Variants in PKP4 observed in about 807,000 individuals in gnomAD.
PKP4 encodes the protein plakophilin 4.
In PKP4, 90 loss-of-function variants were observed where a neutral mutation model predicts 145.1. The ratio of observed to expected loss-of-function variants is 0.62; its 90% CI spans 0.52 to 0.74. The LOEUF (loss-of-function observed/expected upper bound fraction) is 0.74, where lower values mean the gene tolerates loss of function less well. PKP4 is among the 30% of genes least tolerant of loss of function. PKP4 has a pLI of 0.00. For missense variants in PKP4, 1,340 were observed against 1,482.7 expected (o/e 0.90, Z 1.58); for synonymous variants, 563 against 577.2 (o/e 0.98, Z 0.35).
intron 3 of PKP4, among the ~76,000 whole-genome samples, chr2:158,584,918 T>C (rs2048673088): frequency 6.6e-6 from 1 of 152,214 alleles, no homozygotes; most frequent in South Asian, 2.1e-4. Flanking sequence ...TTTATTTCTT[T>C]GTACATCATA....
intron 2 of PKP4, among the ~76,000 whole-genome samples, chr2:158,565,520 CAG>C (rs776767121): frequency 5.7e-5 from 8 of 140,142 alleles, no homozygotes; most frequent in Non-Finnish European, 9.1e-5. Context: ...TTTTGGTAAA[CAG>C]GGAGTATGCA....
In PKP4 at chr2:158,473,157, A is replaced by T. The variant is rs187517315; in HGVS notation, c.-6+15939A>T. 9.6e-4 allele frequency among the ~76,000 whole-genome samples: 147 copies of T among 152,342 alleles called. 1 individual carries two copies. The highest frequency in any genetic ancestry group is 1.6e-3 in the Non-Finnish European group (108 of 68,018). On this transcript the variant is annotated intron_variant, in intron 1 of 21. Transcript: ENST00000389759. ...GACTGTTAGTAAAAAGTCAGTAAATAACAGATGCTGGTGAGGTTGCAGAAA... is the reference window on the plus strand; with the variant it reads ...GACTGTTAGTAAAAAGTCAGTAAATTACAGATGCTGGTGAGGTTGCAGAAA...
In PKP4 at chr2:158,631,095, G is replaced by A. The variant is rs376943229; in HGVS notation, c.1154-658G>A. ...TGGGACTATAGGCTCCCGCCACCAC[G>A]CCCGGCTAATTTTTTTTTGTATTTT... is the stretch of plus-strand genomic sequence containing the variant. On this transcript the variant is annotated intron_variant, in intron 7 of 21. Coordinates refer to ENST00000389759, the MANE Select transcript of PKP4 (RefSeq NM_003628.6). 1.3e-3 allele frequency among the ~76,000 whole-genome samples: 194 copies of A among 151,900 alleles called. 4 individuals are homozygous for A. Among genetic ancestry groups the A allele is most frequent in the South Asian group, 0.01 (50 of 4,800 alleles).
In PKP4 at chr2:158,580,258, T is replaced by G. The variant is rs372616029; in HGVS notation, c.245+2875T>G. 5.3e-5 allele frequency among the ~76,000 whole-genome samples: 8 copies of G among 152,346 alleles called. No individual in the cohort carries two copies. The South Asian group carries it at 1.0e-3, about 20-fold the overall frequency. On this transcript the variant is annotated intron_variant, in intron 3 of 21. Transcript: ENST00000389759. ...GTAAAGTACATATTGTGGGTAGTAG[T>G]TTCTGTCAGTGACTTTTTTTGTGGT...
At chr2:158,463,831 T>C (rs1232625588) in intron 1 of PKP4, among the ~76,000 whole-genome samples, 2 of 152,172 alleles carry the variant, frequency 1.3e-5, no homozygotes, top group South Asian at 2.1e-4. Context: ...CCTGAAAATA[T>C]GTGTCGCAGC....
At chr2:158,629,062 C>T (rs1029067042) in intron 7 of PKP4, among the ~76,000 whole-genome samples, 1 of 152,078 alleles carries the variant, frequency 6.6e-6, no homozygotes, top group African/African-American at 2.4e-5. Flanking sequence ...TCATGGGCTC[C>T]ATAAAGAAAT....
chr2:158,633,955 C>T (rs2053605715), intron 8 of PKP4, 115 bp from the exon 9 acceptor site: 1 of 613,686 alleles, frequency 1.6e-6, no homozygotes, highest in South Asian at 2.4e-5. Flanking sequence ...TAAAAGTAAG[C>T]GATTTATATA....
At chr2:158,649,148 G>A (rs913814710) in intron 11 of PKP4, among the ~76,000 whole-genome samples, 1 of 152,100 alleles carries the variant, frequency 6.6e-6, no homozygotes, top group Non-Finnish European at 1.5e-5. Flanking sequence ...TTCTCAATTG[G>A]TAGAGAACTT....
rs75892258 is a variant in PKP4 at position 158,495,412 on chromosome 2, A to G, written c.-5-37768A>G. On this transcript the variant is annotated intron_variant, in intron 1 of 21. Coordinates refer to ENST00000389759, the MANE Select transcript of PKP4 (RefSeq NM_003628.6). ...CTTGGCTCATCACTTCTAATGTGCT[A>G]TATAAGGAAATAATCAGACAAGTGG... 7.2e-3 allele frequency among the ~76,000 whole-genome samples: 1,088 copies of G among 151,838 alleles called. 13 individuals are homozygous for G. Among genetic ancestry groups the G allele is most frequent in the African/African-American group, 0.025 (1,037 of 41,444 alleles).
chr2:158,489,635 T>G (rs1694660407), intron 1 of PKP4, among the ~76,000 whole-genome samples: 1 of 152,230 alleles, frequency 6.6e-6, no homozygotes, highest in African/African-American at 2.4e-5. Context: ...GGCTAAAGAT[T>G]TATTAACCCT....
intron 1 of PKP4, among the ~76,000 whole-genome samples, chr2:158,495,549 G>A (rs78703522): frequency 0.091 from 13,750 of 151,644 alleles, 821 homozygotes; most frequent in Middle Eastern, 0.2. Context: ...TAAAAAAAAA[G>A]GAGTGTCCGG....
At chr2:158,556,797 AG>A (rs1290424230) in intron 2 of PKP4, among the ~76,000 whole-genome samples, 1 of 152,328 alleles carries the variant, frequency 6.6e-6, no homozygotes, top group African/African-American at 2.4e-5. Context: ...ATAATGTCAA[AG>A]AAAGGCTTAT....
intron 7 of PKP4, among the ~76,000 whole-genome samples, chr2:158,631,469 G>A (rs189847469): frequency 1.8e-4 from 28 of 151,972 alleles, no homozygotes; most frequent in Admixed American, 5.9e-4. Context: ...CTGCAGCCTC[G>A]ACATTCTGGG....
At chr2:158,543,738 A>G (rs1273581644) in intron 2 of PKP4, among the ~76,000 whole-genome samples, 1 of 152,184 alleles carries the variant, frequency 6.6e-6, no homozygotes, top group African/African-American at 2.4e-5. Context: ...CAAAGGATCA[A>G]GGTAGCCAGT....
In PKP4 at chr2:158,625,032, C is replaced by T. The variant is rs755121004; in HGVS notation, c.758C>T (p.Pro253Leu). 7 of 1,614,018 alleles carry T rather than the reference C, an allele frequency of 4.3e-6. No individual in the cohort carries two copies. The South Asian group carries it at 4.4e-5, about 10-fold the overall frequency. ...TTTGGCTCTCCGTCAGTGACCGACC[C>T]CCGACCTCTGAACCCCAGTGCATAT... ...SGFGSPSVTD[P>L]RPLNPSAYSS... Residue 253 changes from proline to leucine, a missense_variant, in exon 7 of 22, where the codon CCC (proline) becomes CTC (leucine). Pro to Leu is a moderately conservative substitution (Grantham distance 98, BLOSUM62 -3). Coordinates refer to ENST00000389759, the MANE Select transcript of PKP4 (RefSeq NM_003628.6).
intron 10 of PKP4, among the ~76,000 whole-genome samples, chr2:158,641,344 A>AG (rs2105931347): frequency 6.6e-6 from 1 of 152,026 alleles, no homozygotes; most frequent in Non-Finnish European, 1.5e-5. Flanking sequence ...AAAAAAAAAA[A>AG]ATTATTAGGT....
chr2:158,589,724 A>G (rs2049094951), intron 3 of PKP4, among the ~76,000 whole-genome samples: 2 of 152,278 alleles, frequency 1.3e-5, no homozygotes, highest in Admixed American at 6.5e-5. Flanking sequence ...TCACTTTAAT[A>G]TTCATGATGA....
intron 11 of PKP4, among the ~76,000 whole-genome samples, chr2:158,652,184 C>T (rs189947527): frequency 7.2e-4 from 110 of 152,232 alleles, no homozygotes; most frequent in African/African-American, 2.6e-3. Flanking sequence ...ATTTTGTGTT[C>T]ACTTCTTCGT....
intron 11 of PKP4, among the ~76,000 whole-genome samples, chr2:158,649,734 A>G (rs982440606): frequency 1.3e-5 from 2 of 152,216 alleles, no homozygotes; most frequent in Non-Finnish European, 2.9e-5. Context: ...AACATCAGTC[A>G]GAGTGGAACT....
Sources: allele counts gnomAD v4.1 joint callset (sites outside exome capture counted in the v4.1 genomes callset), GRCh38; gene constraint gnomAD v4.1.1; transcripts MANE v1.5; gene names NCBI Gene and HGNC (gene_info 2026-07-23, HGNC 2026-07-21).